Variants in PRLR observed in about 807,000 individuals in gnomAD.
PRLR encodes prolactin receptor.
In PRLR, 13 loss-of-function variants were observed where a neutral mutation model predicts 40.2. The observed-to-expected ratio is 0.32, with a 90% CI of 0.21 to 0.51. PRLR has a LOEUF of 0.51. Among genes scored for constraint, PRLR ranks in the 20% least tolerant of loss-of-function variants. The pLI is 0.97. For synonymous variants in PRLR, 269 were observed against 278.7 expected (o/e 0.97, Z 0.35); for missense variants, 656 against 747.3 (o/e 0.88, Z 1.42).
chr5:35,077,811 A>C (rs1014783784), intron 5 of PRLR, among the ~76,000 whole-genome samples: 1 of 152,280 alleles, frequency 6.6e-6, no homozygotes, highest in Middle Eastern at 3.4e-3. Flanking sequence ...GAAGGAAAGC[A>C]CTCCTCAGCA....
intron 1 of PRLR, among the ~76,000 whole-genome samples, chr5:35,142,759 G>A (rs1402209023): frequency 6.6e-6 from 1 of 152,204 alleles, no homozygotes; most frequent in African/African-American, 2.4e-5. Context: ...CTATTATGGT[G>A]GTGAGGTTAC....
In PRLR at chr5:35,068,656, C is replaced by T. The variant is rs1769533090; in HGVS notation, c.785+123G>A. The T allele has an allele frequency of 4.9e-5, 38 of 782,304 alleles. No homozygotes were observed. The South Asian group carries it at 7.2e-4, about 15-fold the overall frequency. The allele number at this position is 782,304 out of a possible 1,614,324, so 48.5% of individuals were successfully genotyped here. ...ATAAAAGATTTTTTTTATGGGCAAACACACTACATCTAATGGCTAAAATGA... is the reference window on the plus strand; with the variant it reads ...ATAAAAGATTTTTTTTATGGGCAAATACACTACATCTAATGGCTAAAATGA... On this transcript the variant is annotated intron_variant, in intron 8 of 9. Coordinates refer to ENST00000618457, the MANE Select transcript of PRLR (RefSeq NM_000949.7).
chr5:35,154,125 T>C (rs1418937674), intron 1 of PRLR, among the ~76,000 whole-genome samples: 1 of 152,234 alleles, frequency 6.6e-6, no homozygotes, highest in Non-Finnish European at 1.5e-5. Flanking sequence ...TACTTGAATA[T>C]ATTTCCTAAC....
chr5:35,168,837 C>T (rs1481605403), intron 1 of PRLR, among the ~76,000 whole-genome samples: 1 of 152,028 alleles, frequency 6.6e-6, no homozygotes, highest in African/African-American at 2.4e-5. Context: ...ACTACAAGTT[C>T]TAACTTTATT....
At chr5:35,135,559 T>A (rs114441735) in intron 1 of PRLR, 5,355 of 152,578 alleles carry the variant, frequency 0.035, 146 homozygotes, top group Non-Finnish European at 0.056. Flanking sequence ...CCCTGAGTTA[T>A]TTTTTCCTCG....
At chr5:35,117,612 G>A (rs922785817) in intron 2 of PRLR, among the ~76,000 whole-genome samples, 3 of 152,208 alleles carry the variant, frequency 2.0e-5, no homozygotes, top group Admixed American at 1.3e-4. Flanking sequence ...AGGGCTGGGA[G>A]GAAGGAGACA....
chr5:35,121,018 C>A (rs1416886962), intron 1 of PRLR, among the ~76,000 whole-genome samples: 1 of 152,154 alleles, frequency 6.6e-6, no homozygotes, highest in Non-Finnish European at 1.5e-5. Flanking sequence ...GCAGGCATTA[C>A]TTTGCTGACC....
intron 2 of PRLR, among the ~76,000 whole-genome samples, chr5:35,093,474 A>G (rs1217374278): frequency 6.6e-6 from 1 of 152,130 alleles, no homozygotes; most frequent in Non-Finnish European, 1.5e-5. Flanking sequence ...CCCCCTGAGT[A>G]CAGTCCCCAA....
At chr5:35,052,138 C>T (rs1207937023), downstream of PRLR, among the ~76,000 whole-genome samples, 3 of 151,976 alleles carry the variant, frequency 2.0e-5, no homozygotes, top group African/African-American at 2.4e-5. Flanking sequence ...CCTCCAAAAA[C>T]GATATCTTAA....
At chr5:35,170,885 C>A (rs1390886033) in intron 1 of PRLR, among the ~76,000 whole-genome samples, 1 of 152,070 alleles carries the variant, frequency 6.6e-6, no homozygotes, top group African/African-American at 2.4e-5. Context: ...AACTATGTAC[C>A]AGGCACTGTA....
At position 35,065,906 on chromosome 5, in the gene PRLR, C is replaced by G. The variant is rs143989943; in HGVS notation, c.1052G>C (p.Arg351Pro). 8.7e-6 allele frequency: 14 copies of G among 1,614,122 alleles called. No individual in the cohort carries two copies. The South Asian group carries it at 1.5e-4, about 18-fold the overall frequency. ...AAGGGAAGGGCTGTCACAGCTCCCC[C>G]GGCCTGAGTCAGTGTCAGGATCCAG... ...TYLDPDTDSG[R>P]GSCDSPSLLS... Residue 351 changes from arginine to proline, a missense_variant, in exon 10 of 10, where the codon CGG becomes CCG. By Grantham distance (103) the Arg-to-Pro change is moderately radical (BLOSUM62 -2). Transcript: ENST00000618457.
intron 1 of PRLR, among the ~76,000 whole-genome samples, chr5:35,132,943 GA>G (rs536472903): frequency 6.6e-6 from 1 of 152,174 alleles, no homozygotes; most frequent in Non-Finnish European, 1.5e-5. Context: ...TCCATAGACT[GA>G]GTAAAGAATG....
intron 2 of PRLR, among the ~76,000 whole-genome samples, chr5:35,115,706 C>A (rs929882699): frequency 6.6e-6 from 1 of 151,536 alleles, no homozygotes; most frequent in Non-Finnish European, 1.5e-5. Flanking sequence ...GTATGCCAGG[C>A]AAAGACAGTT....
At chr5:35,108,806 A>G (rs184628225) in intron 2 of PRLR, among the ~76,000 whole-genome samples, 106 of 152,346 alleles carry the variant, frequency 7.0e-4, no homozygotes, top group African/African-American at 2.4e-3. Context: ...TAATTTCTAG[A>G]TTCAATGCCA....
rs552104025 is a variant in PRLR, at chr5:35,129,914, C to A, written c.-105-11792G>T. Reference sequence around the variant, plus strand: ...AAGTGAGCTTGTGGCACAAGGATATCTGTCCAGAATCCAAGAAGCCAGGTG... The same window carrying A: ...AAGTGAGCTTGTGGCACAAGGATATATGTCCAGAATCCAAGAAGCCAGGTG... On this transcript the variant is annotated intron_variant, in intron 1 of 9. Transcript: ENST00000618457. Among the ~76,000 whole-genome samples the A allele has an allele frequency of 2.0e-5, 3 of 152,226 alleles. No homozygotes were observed. In the South Asian group the frequency reaches 6.2e-4, roughly 32 times the overall value.
chr5:35,065,332 G>A lies in PRLR; in HGVS notation c.1626C>T (p.Asn542=), dbSNP rs143644431. Residue 542 remains asparagine, a synonymous_variant, in exon 10 of 10, where the codon AAC becomes AAT. Coordinates refer to ENST00000618457, the MANE Select transcript of PRLR (RefSeq NM_000949.7). ...GKPKKPGTPE[N]NKEYAKVSGV... ...CGGACACCTTGGCATACTCCTTATTGTTCTCAGGAGTCCCGGGCTTCTTGG... is the reference window on the plus strand; with the variant it reads ...CGGACACCTTGGCATACTCCTTATTATTCTCAGGAGTCCCGGGCTTCTTGG... 8 of 1,614,168 alleles carry A rather than the reference G, an allele frequency of 5.0e-6. No individual in the cohort carries two copies. The highest frequency in any genetic ancestry group is 6.8e-6 in the Non-Finnish European group (8 of 1,180,014).
chr5:35,108,798 AT>A (rs1290471649), intron 2 of PRLR, among the ~76,000 whole-genome samples: 3 of 152,230 alleles, frequency 2.0e-5, no homozygotes, highest in Admixed American at 2.0e-4. Context: ...GCCCAAAGTA[AT>A]TTCTAGATTC....
intron 5 of PRLR, among the ~76,000 whole-genome samples, chr5:35,080,550 C>T (rs1423874048): frequency 4.6e-4 from 70 of 152,068 alleles, no homozygotes; most frequent in East Asian, 1.4e-3. Context: ...CAACAGGTGC[C>T]GGAGAGGATG....
Position 35,065,985 on chromosome 5 carries a change from G to T in PRLR, c.973C>A (p.Leu325Ile), listed in dbSNP as rs1352024864. Residue 325 changes from leucine (L) to isoleucine (I), a missense_variant, in exon 10 of 10, where the codon CTA becomes ATA. By Grantham distance (5) the Leu-to-Ile change is conservative (BLOSUM62 2). Around this residue, in one of 3 missense-constraint regions of PRLR, gnomAD observed 469 missense variants for 491.5 expected, o/e 0.95. Transcript: ENST00000618457. ...TGTTCTTTTGAATGGACTGACATTA[G>T]ATGCTGGTCCTCACTATCATCTACT... The part of the protein sequence containing the change: ...LEVDDSEDQH[L>I]MSVHSKEHPS... 1 of 1,614,170 alleles carries T rather than the reference G, an allele frequency of 6.2e-7. No homozygotes were observed. The highest frequency in any genetic ancestry group is 8.5e-7 in the Non-Finnish European group (1 of 1,180,008).
Sources: allele counts gnomAD v4.1 joint callset (sites outside exome capture counted in the v4.1 genomes callset), GRCh38; gene constraint gnomAD v4.1.1; regional missense constraint gnomAD v4.1.1; transcripts MANE v1.5; gene names NCBI Gene and HGNC (gene_info 2026-07-23, HGNC 2026-07-21).